The following TRPM6 variants were observed in gnomAD, a reference collection of about 807,000 sequenced individuals.
The protein encoded by TRPM6 is channel kinase 2.
TRPM6 carries 111 observed loss-of-function variants against 247.6 expected under a neutral mutation model. The ratio of observed to expected loss-of-function variants is 0.45; its 90% CI spans 0.38 to 0.52. TRPM6 has a LOEUF of 0.52. Ranked by LOEUF, TRPM6 falls within the 20% of genes least tolerant of loss-of-function variation. TRPM6 has a pLI of 0.00. For synonymous variants in TRPM6, 892 were observed against 853.8 expected, an observed-to-expected ratio of 1.04 and a Z score of -0.78; for missense variants, 2,126 against 2,421.5, an observed-to-expected ratio of 0.88 and a Z score of 2.56.
intron 27 of TRPM6, among the ~76,000 whole-genome samples, chr9:74,758,145 T>C (rs764678442): frequency 2.2e-4 from 33 of 152,228 alleles, no homozygotes; most frequent in Non-Finnish European, 3.8e-4. Flanking sequence ...AAATTGAATT[T>C]GTAGTTAAAA....
intron 3 of TRPM6, among the ~76,000 whole-genome samples, chr9:74,843,560 G>A (rs1239554976): frequency 2.0e-5 from 3 of 152,028 alleles, no homozygotes; most frequent in African/African-American, 7.2e-5. Context: ...TGTAATCCCA[G>A]CACTTTGGGA....
chr9:74,817,414 T>A (rs770848274), intron 9 of TRPM6, among the ~76,000 whole-genome samples: 17 of 152,228 alleles, frequency 1.1e-4, no homozygotes, highest in Non-Finnish European at 2.2e-4. Context: ...GGTCTTGAAT[T>A]TCCTGGGCTC....
chr9:74,804,600 A>G (rs1181766133), intron 14 of TRPM6: 1 of 748,702 alleles, frequency 1.3e-6, no homozygotes, highest in Admixed American at 1.7e-5. Flanking sequence ...TCCTGAGTTC[A>G]CTGCTACTCA....
intron 24 of TRPM6, among the ~76,000 whole-genome samples, chr9:74,773,960 A>T (rs1827131667): frequency 6.6e-6 from 1 of 152,154 alleles, no homozygotes; most frequent in Non-Finnish European, 1.5e-5. Context: ...TGAGCAAGAA[A>T]CTTTACAGGT....
rs558110820 is a variant in TRPM6 at position 74,834,063 on chromosome 9, T to A, written c.604A>T (p.Ile202Phe). 2 of 1,613,968 alleles carry A rather than the reference T, an allele frequency of 1.2e-6. No homozygotes were observed. The highest frequency in any genetic ancestry group is 1.7e-6 in the Non-Finnish European group (2 of 1,179,980). Residue 202 changes from isoleucine (I) to phenylalanine (F), a missense_variant, in exon 6 of 39, where the codon ATC (isoleucine) becomes TTC (phenylalanine). Ile to Phe is a conservative substitution (Grantham distance 21). Around this residue, in one of 3 missense-constraint regions of TRPM6, gnomAD observed 1,082 missense variants for 1,307.9 expected, o/e 0.83. Transcript: ENST00000360774. The part of the protein sequence containing the change: ...KSHSSHSLRK[I>F]WTVGIPPWGV... ...CAAGGAGGGATTCCAACTGTCCAGA[T>A]TTTTCTCAAGGAATGAGAGGAATGG...
intron 38 of TRPM6, among the ~76,000 whole-genome samples, chr9:74,728,018 G>A (rs980060251): frequency 1.3e-5 from 2 of 152,128 alleles, no homozygotes; most frequent in Non-Finnish European, 2.9e-5. Flanking sequence ...CAAGTATTGG[G>A]CCCCAAGTTG....
chr9:74,845,352 A>G (rs1830076352), intron 3 of TRPM6, among the ~76,000 whole-genome samples: 2 of 150,620 alleles, frequency 1.3e-5, no homozygotes, highest in Non-Finnish European at 2.9e-5. Flanking sequence ...TCATAGCAGC[A>G]TTATTCTGAA....
At chr9:74,863,899 TAA>T (rs1554732257) in intron 1 of TRPM6, among the ~76,000 whole-genome samples, 122 of 150,776 alleles carry the variant, frequency 8.1e-4, no homozygotes, top group South Asian at 7.6e-3. Flanking sequence ...TTTTTTTTTT[TAA>T]AAAAACATCC....
chr9:74,739,843 C>G lies in TRPM6; in HGVS notation c.5367G>C (p.Trp1789Cys). 1 of 1,614,164 alleles carries G rather than the reference C, an allele frequency of 6.2e-7. No homozygotes were observed. The highest frequency in any genetic ancestry group is 8.5e-7 in the Non-Finnish European group (1 of 1,180,036). Residue 1789 changes from tryptophan (W) to cysteine (C), a missense_variant, in exon 34 of 39, where the codon TGG (tryptophan) becomes TGC (cysteine). Trp to Cys is a radical substitution (Grantham distance 215). Transcript: ENST00000360774. ...LRKAMRVVST[W>C]SEDDILKPGQ... ...CCGGCTTGAGAATGTCATCCTCAGACCAAGTGCTGACGACTCTCATAGCTT... is the reference window on the plus strand; with the variant it reads ...CCGGCTTGAGAATGTCATCCTCAGAGCAAGTGCTGACGACTCTCATAGCTT...
intron 3 of TRPM6, among the ~76,000 whole-genome samples, chr9:74,853,055 GC>G (rs1426829750): frequency 5.4e-5 from 8 of 148,790 alleles, no homozygotes; most frequent in Admixed American, 5.3e-4. Flanking sequence ...GAGCGCCTCT[GC>G]CCCGCCGCCC....
intron 35 of TRPM6, among the ~76,000 whole-genome samples, chr9:74,739,160 ATG>A (rs1353763242): frequency 6.6e-6 from 1 of 152,080 alleles, no homozygotes; most frequent in Non-Finnish European, 1.5e-5. Context: ...TTTTCCACTC[ATG>A]TTTAAGTCCA....
intron 2 of TRPM6, 107 bp downstream of exon 2, chr9:74,858,562 T>G: frequency 1.5e-6 from 1 of 663,486 alleles, no homozygotes; most frequent in South Asian, 2.2e-5. Context: ...AAATTCTAAC[T>G]TTATAGATAT....
chr9:74,803,723 T>G, intron 15 of TRPM6, 71 bp downstream of exon 15: 2 of 1,079,154 alleles, frequency 1.9e-6, no homozygotes, highest in Non-Finnish European at 2.9e-6. Flanking sequence ...CTTTCTTTGA[T>G]GTAAATGAAG....
At chr9:74,855,628 T>C in intron 2 of TRPM6, 63 bp from the exon 3 acceptor site, 1 of 1,015,456 alleles carries the variant, frequency 9.8e-7, no homozygotes, top group African/African-American at 1.6e-5. Flanking sequence ...ATTTAATGCT[T>C]GTACAGTAAA....
intron 25 of TRPM6, among the ~76,000 whole-genome samples, chr9:74,764,311 A>C (rs1826755548): frequency 6.6e-6 from 1 of 152,174 alleles, no homozygotes; most frequent in African/African-American, 2.4e-5. Flanking sequence ...TTGATAGAGT[A>C]ATCAAGTTAA....
At chr9:74,837,005 C>T (rs567237596) in intron 5 of TRPM6, among the ~76,000 whole-genome samples, 1 of 152,324 alleles carries the variant, frequency 6.6e-6, no homozygotes, top group South Asian at 2.1e-4. Context: ...ATAACCCAGT[C>T]AGCATCAATT....
At chr9:74,872,506 T>C (rs991201817) in intron 1 of TRPM6, among the ~76,000 whole-genome samples, 1 of 152,038 alleles carries the variant, frequency 6.6e-6, no homozygotes, top group Non-Finnish European at 1.5e-5. Flanking sequence ...CTTGGCTTAC[T>C]GCAACCTCCG....
intron 10 of TRPM6, 27 bp from the exon 11 acceptor site, chr9:74,816,796 A>T (rs745787859): frequency 1.2e-6 from 2 of 1,611,348 alleles, no homozygotes; most frequent in Non-Finnish European, 1.7e-6. Context: ...GAACAATCAT[A>T]TATTCTTTTC....
At chr9:74,791,655 C>A (rs2118970850) in intron 19 of TRPM6, among the ~76,000 whole-genome samples, 1 of 152,318 alleles carries the variant, frequency 6.6e-6, no homozygotes, top group Middle Eastern at 3.4e-3. Flanking sequence ...CATTTTCTCT[C>A]TATATTTATA....
Sources: allele counts gnomAD v4.1 joint callset (sites outside exome capture counted in the v4.1 genomes callset), GRCh38; gene constraint gnomAD v4.1.1; regional missense constraint gnomAD v4.1.1; transcripts MANE v1.5; gene names NCBI Gene and HGNC (gene_info 2026-07-23, HGNC 2026-07-21).